SLC35A1: variants seen among roughly 807,000 people sequenced by gnomAD.
The protein encoded by SLC35A1 is CMP-sialic acid transporter.
Under a neutral mutation model 40.3 loss-of-function variants are expected in SLC35A1, and 21 were observed. The observed-to-expected ratio is 0.52, with a 90% CI of 0.37 to 0.75. SLC35A1 has a LOEUF of 0.75. Ranked by LOEUF, SLC35A1 falls within the 30% of genes least tolerant of loss-of-function variation. The pLI is 0.00. For missense variants in SLC35A1, 297 were observed against 382.1 expected (o/e 0.78, Z 1.86); for synonymous variants, 146 against 147.3 (o/e 0.99, Z 0.06).
intron 2 of SLC35A1, among the ~76,000 whole-genome samples, chr6:87,489,779 A>C (rs1769491688): frequency 6.7e-6 from 1 of 150,192 alleles, no homozygotes. Context: ...TGACCTTGTG[A>C]TCTGCCTGCC....
intron 1 of SLC35A1, among the ~76,000 whole-genome samples, chr6:87,477,090 C>T (rs1182723821): frequency 1.3e-5 from 2 of 151,958 alleles, no homozygotes; most frequent in East Asian, 3.8e-4. Context: ...AATCAGTACG[C>T]TACATAGTCT....
chr6:87,508,900 C>T, intron 6 of SLC35A1, 141 bp from the exon 7 acceptor site: 1 of 909,486 alleles, frequency 1.1e-6, no homozygotes, highest in Non-Finnish European at 1.8e-6. Flanking sequence ...AGTACAAACT[C>T]TCAGATGGCT....
intron 2 of SLC35A1, among the ~76,000 whole-genome samples, chr6:87,491,723 G>C (rs1025802279): frequency 1.3e-5 from 2 of 152,154 alleles, no homozygotes; most frequent in Non-Finnish European, 1.5e-5. Flanking sequence ...TCAAGATGCT[G>C]GCAGATTAGG....
At chr6:87,488,335 T>G (rs1769446640) in intron 2 of SLC35A1, 1 of 152,222 alleles carries the variant, frequency 6.6e-6, no homozygotes, top group Non-Finnish European at 1.5e-5. Flanking sequence ...AGATTGCTGT[T>G]TTCTGGACAG....
rs1344472319 is a variant in SLC35A1 at position 87,500,553 on chromosome 6, T to C, written c.240T>C (p.Asn80=). The change falls in exon 3 of 8, where the codon AAT becomes AAC. Residue 80 remains asparagine (N), a synonymous_variant. Transcript: ENST00000369552. ...GATTCAAAGCATCTTTAAGAGAAAA[T>C]GTCTTGGGGAGCCCCAAGGAACTGT... ...LGRFKASLRE[N]VLGSPKELLK... 2.5e-6 allele frequency: 4 copies of C among 1,614,042 alleles called. No homozygotes were observed. The highest frequency in any genetic ancestry group is 3.4e-6 in the Non-Finnish European group (4 of 1,180,004).
intron 2 of SLC35A1, among the ~76,000 whole-genome samples, chr6:87,494,454 G>C (rs1174386607): frequency 7.0e-6 from 1 of 143,590 alleles, no homozygotes; most frequent in Non-Finnish European, 1.5e-5. Context: ...ACAGAGTCTC[G>C]CTCTGTTGCC....
intron 2 of SLC35A1, among the ~76,000 whole-genome samples, chr6:87,494,198 G>A (rs959500065): frequency 6.6e-5 from 10 of 151,814 alleles, no homozygotes; most frequent in African/African-American, 2.4e-4. Flanking sequence ...ATATATACCA[G>A]TCTGTACTGA....
chr6:87,488,844 A>T (rs1769461739), intron 2 of SLC35A1, among the ~76,000 whole-genome samples: 1 of 152,252 alleles, frequency 6.6e-6, no homozygotes, highest in Non-Finnish European at 1.5e-5. Context: ...GCAAGGTTCC[A>T]GATCCATGTT....
At chr6:87,486,747 T>C (rs1055264390) in intron 2 of SLC35A1, among the ~76,000 whole-genome samples, 1 of 152,162 alleles carries the variant, frequency 6.6e-6, no homozygotes, top group African/African-American at 2.4e-5. Context: ...GGCAGAGAAC[T>C]GCGTGTTTGA....
At chr6:87,496,548 G>A (rs558969748) in intron 2 of SLC35A1, among the ~76,000 whole-genome samples, 1 of 152,156 alleles carries the variant, frequency 6.6e-6, no homozygotes, top group East Asian at 1.9e-4. Context: ...GGAGGCCGAG[G>A]TGGGTGGATC....
intron 5 of SLC35A1, among the ~76,000 whole-genome samples, chr6:87,507,497 A>T (rs780269100): frequency 2.0e-5 from 3 of 152,184 alleles, no homozygotes; most frequent in Non-Finnish European, 4.4e-5. Flanking sequence ...CTCTGTGTTT[A>T]CGGTAACTGA....
At chr6:87,494,316 A>G (rs1769650354) in intron 2 of SLC35A1, among the ~76,000 whole-genome samples, 1 of 152,236 alleles carries the variant, frequency 6.6e-6, no homozygotes, top group Non-Finnish European at 1.5e-5. Flanking sequence ...TAACTTTTAA[A>G]TTAAAAGAGA....
chr6:87,482,642 G>A (rs542077962), intron 2 of SLC35A1, among the ~76,000 whole-genome samples: 10 of 152,160 alleles, frequency 6.6e-5, no homozygotes, highest in South Asian at 6.2e-4. Flanking sequence ...ACCATCTATC[G>A]TCCTGTCCTG....
chr6:87,488,406 G>A (rs1201087358), intron 2 of SLC35A1: 1 of 152,224 alleles, frequency 6.6e-6, no homozygotes, highest in Non-Finnish European at 1.5e-5. Flanking sequence ...GCTCTGTTTA[G>A]AGAAATGGAA....
intron 2 of SLC35A1, among the ~76,000 whole-genome samples, chr6:87,478,986 T>A (rs13195393): frequency 0.3 from 45,660 of 151,998 alleles, 7,047 homozygotes; most frequent in Admixed American, 0.4. Context: ...TCCAGTTGGC[T>A]AATTTAAAGA....
chr6:87,494,457 C>T (rs1769656618), intron 2 of SLC35A1, among the ~76,000 whole-genome samples: 2 of 142,586 alleles, frequency 1.4e-5, no homozygotes, highest in African/African-American at 5.3e-5. Context: ...GAGTCTCGCT[C>T]TGTTGCCCAG....
At chr6:87,502,725 CTA>C (rs1015256592) in intron 4 of SLC35A1, among the ~76,000 whole-genome samples, 9 of 152,164 alleles carry the variant, frequency 5.9e-5, no homozygotes, top group African/African-American at 2.2e-4. Flanking sequence ...GGCAAAGTAT[CTA>C]TTTTACAATT....
chr6:87,494,155 A>G (rs1769645085), intron 2 of SLC35A1, among the ~76,000 whole-genome samples: 1 of 152,004 alleles, frequency 6.6e-6, no homozygotes, highest in Admixed American at 6.6e-5. Context: ...TTCTTTTTAA[A>G]AGCTGCATGG....
chr6:87,511,336 A>ACTGAT, intron 7 of SLC35A1, 63 bp from the exon 8 acceptor site: 1 of 1,576,604 alleles, frequency 6.3e-7, no homozygotes, highest in Non-Finnish European at 8.7e-7. Flanking sequence ...AAAATTTTAA[A>ACTGAT]CTGATCATTA....
Sources: allele counts gnomAD v4.1 joint callset (sites outside exome capture counted in the v4.1 genomes callset), GRCh38; gene constraint gnomAD v4.1.1; transcripts MANE v1.5; gene names NCBI Gene and HGNC (gene_info 2026-07-23, HGNC 2026-07-21).